ELMO1: variants seen among roughly 807,000 people sequenced by gnomAD.
ELMO1 encodes engulfment and cell motility protein 1.
A neutral mutation model predicts 98.9 loss-of-function variants in ELMO1; 26 were observed. That is an observed-to-expected ratio of 0.26 (90% CI 0.19 to 0.36). ELMO1 has a LOEUF of 0.36. ELMO1 is among the 10% of genes least tolerant of loss of function. ELMO1 has a pLI of 1.00. For synonymous variants in ELMO1, 346 were observed against 346.0 expected (o/e 1.00, Z 0.00); for missense variants, 627 against 935.2 (o/e 0.67, Z 4.30).
chr7:37,261,706 G>A (rs575753412), intron 5 of ELMO1, among the ~76,000 whole-genome samples: 5 of 152,180 alleles, frequency 3.3e-5, no homozygotes, highest in African/African-American at 4.8e-5. Flanking sequence ...AGATTCAAGC[G>A]ATTCTCCTGT....
chr7:36,913,391 G>A (rs1784469470), intron 16 of ELMO1, among the ~76,000 whole-genome samples: 1 of 152,180 alleles, frequency 6.6e-6, no homozygotes, highest in African/African-American at 2.4e-5. Flanking sequence ...ATTACATAGA[G>A]CTTGTAAAAA....
intron 14 of ELMO1, among the ~76,000 whole-genome samples, chr7:37,108,565 G>C (rs1311790024): frequency 6.6e-6 from 1 of 152,210 alleles, no homozygotes; most frequent in Non-Finnish European, 1.5e-5. Flanking sequence ...GACTTTCCAA[G>C]TGAGTTTTCT....
intron 1 of ELMO1, among the ~76,000 whole-genome samples, chr7:37,426,089 C>T (rs1390853966): frequency 2.0e-5 from 3 of 151,396 alleles, no homozygotes; most frequent in Admixed American, 1.3e-4. Flanking sequence ...GGCAAGTTAC[C>T]CAGCCTCTCT....
intron 16 of ELMO1, among the ~76,000 whole-genome samples, chr7:36,946,088 G>A (rs1371636742): frequency 1.3e-5 from 2 of 152,258 alleles, no homozygotes; most frequent in East Asian, 3.8e-4. Context: ...GAACAGCAAA[G>A]CTGACAGCTG....
At position 36,853,553 on chromosome 7, in the gene ELMO1, A is replaced by T. The variant is rs534552072; in HGVS notation, c.*1998T>A. ...ATGTTAATAACATCGAAGCTTAATG[A>T]TCAAGGAATTAACAGCTTGACACAG... On this transcript the variant is annotated 3_prime_UTR_variant, in exon 22 of 22. Coordinates refer to ENST00000310758, the MANE Select transcript of ELMO1 (RefSeq NM_014800.11). 4.0e-4 allele frequency among the ~76,000 whole-genome samples: 61 copies of T among 152,356 alleles called. No individual in the cohort carries two copies. Among genetic ancestry groups the T allele is most frequent in the Non-Finnish European group, 7.6e-4 (52 of 68,040 alleles).
rs936087517 is a variant in ELMO1, at chr7:36,870,088, G to A, written c.1905+305C>T. Reference sequence around the variant, plus strand: ...GTTAGGAGAGGCCCAGGGAATGGACGGATGAGCAGAGCGGGCTCAAGAGAG... The same window carrying A: ...GTTAGGAGAGGCCCAGGGAATGGACAGATGAGCAGAGCGGGCTCAAGAGAG... On this transcript the variant is annotated intron_variant, in intron 20 of 21. Transcript: ENST00000310758. The surrounding 1 kb of genome is among the most constrained non-coding windows in gnomAD (Gnocchi z 4.4). Among the ~76,000 whole-genome samples, 2 of 152,162 alleles carry A rather than the reference G, an allele frequency of 1.3e-5. No individual in the cohort carries two copies. The highest frequency in any genetic ancestry group is 2.9e-5 in the Non-Finnish European group (2 of 68,018).
intron 6 of ELMO1, 143 bp from the exon 7 acceptor site, chr7:37,244,534 G>T: frequency 1.3e-6 from 1 of 795,190 alleles, no homozygotes; most frequent in Non-Finnish European, 2.0e-6. Flanking sequence ...TCCATTTCAA[G>T]ACATCATTCA....
At chr7:37,340,665 G>T (rs1029312115) in intron 2 of ELMO1, among the ~76,000 whole-genome samples, 2 of 152,106 alleles carry the variant, frequency 1.3e-5, no homozygotes, top group Admixed American at 6.5e-5. Flanking sequence ...TGGAAATAGG[G>T]TATAAATGTA....
intron 15 of ELMO1, among the ~76,000 whole-genome samples, chr7:37,080,958 A>G (rs1333763259): frequency 6.6e-6 from 1 of 152,056 alleles, no homozygotes; most frequent in Non-Finnish European, 1.5e-5. Flanking sequence ...CACCATCTCA[A>G]TGAGGCAATC....
chr7:37,092,469 C>A (rs1677786947), intron 15 of ELMO1, among the ~76,000 whole-genome samples: 1 of 149,570 alleles, frequency 6.7e-6, no homozygotes, highest in Non-Finnish European at 1.5e-5. Context: ...AGCTCCGCCT[C>A]CCAGGTTCAC....
intron 15 of ELMO1, among the ~76,000 whole-genome samples, chr7:37,069,270 C>T (rs1388797275): frequency 6.6e-6 from 1 of 152,200 alleles, no homozygotes; most frequent in Non-Finnish European, 1.5e-5. Flanking sequence ...GCTTTATCTA[C>T]ACCTTACAAG....
intron 10 of ELMO1, among the ~76,000 whole-genome samples, chr7:37,218,107 C>A (rs2130495169): frequency 6.6e-6 from 1 of 152,106 alleles, no homozygotes; most frequent in South Asian, 2.1e-4. Flanking sequence ...TTTTTTGTTT[C>A]TCCTAGACCA....
chr7:37,357,213 G>T (rs1350218729), intron 1 of ELMO1, among the ~76,000 whole-genome samples: 1 of 152,124 alleles, frequency 6.6e-6, no homozygotes, highest in Non-Finnish European at 1.5e-5. Context: ...TGGGGCTTTT[G>T]GTCTTCGTTT....
chr7:37,049,480 G>T (rs1163211361), intron 15 of ELMO1, among the ~76,000 whole-genome samples: 2 of 152,158 alleles, frequency 1.3e-5, no homozygotes, highest in Admixed American at 6.5e-5. Flanking sequence ...GGGCAAAAAT[G>T]TGAAAGGTGC....
chr7:37,197,132 C>T (rs1216301156), intron 13 of ELMO1: 1 of 152,218 alleles, frequency 6.6e-6, no homozygotes, highest in Non-Finnish European at 1.5e-5. Context: ...AGCACCATCT[C>T]GGGAGTGTGC....
Position 37,417,660 on chromosome 7 carries a change from T to TCACA in ELMO1, c.-74+31011_-74+31014dup, listed in dbSNP as rs34297401. 9.0e-3 allele frequency among the ~76,000 whole-genome samples: 991 copies of TCACA among 109,736 alleles called. 38 individuals carry two copies. Among genetic ancestry groups the TCACA allele is most frequent in the Admixed American group, 0.071 (799 of 11,210 alleles). 72.0% of individuals were successfully genotyped at this position (109,736 alleles called of 152,430 possible). A position where few individuals can be genotyped will look rare whatever the true frequency, so the allele number is the denominator to read the frequency against. ...GCCTGGGAGACAGAGTAAGACTCCGTCACACACACACACACACACACACAA... is the reference window on the plus strand; with the variant it reads ...GCCTGGGAGACAGAGTAAGACTCCGTCACACACACACACACACACACACACACAA... On this transcript the variant is annotated intron_variant, in intron 1 of 21. Transcript: ENST00000310758.
intron 11 of ELMO1, among the ~76,000 whole-genome samples, chr7:37,214,382 G>A (rs113191886): frequency 6.6e-6 from 1 of 152,162 alleles, no homozygotes; most frequent in Non-Finnish European, 1.5e-5. Flanking sequence ...TAGACAGACT[G>A]CTGCAAACCA....
At chr7:37,276,795 C>T (rs143047356) in intron 4 of ELMO1, among the ~76,000 whole-genome samples, 200 of 152,240 alleles carry the variant, frequency 1.3e-3, no homozygotes, top group Admixed American at 3.1e-3. Flanking sequence ...GTAAGTTGAC[C>T]GGCATGTCTA....
At chr7:37,227,431 G>A (rs767226780) in intron 8 of ELMO1, among the ~76,000 whole-genome samples, 3 of 151,946 alleles carry the variant, frequency 2.0e-5, no homozygotes, top group Admixed American at 6.6e-5. Flanking sequence ...TGTTGCCCAG[G>A]CTGGAGTGCA....
Sources: gnomAD v4.1 joint callset for allele counts (sites outside exome capture counted in the v4.1 genomes callset) on GRCh38, gnomAD v4.1.1 for gene constraint, Gnocchi (gnomAD v3.1) non-coding constraint, MANE v1.5 for transcripts, NCBI Gene and HGNC (gene_info 2026-07-23, HGNC 2026-07-21) for gene names.